The following ARHGEF3 variants were observed in gnomAD, a reference collection of about 807,000 sequenced individuals.
The protein encoded by ARHGEF3 is Rho guanine nucleotide exchange factor 3.
A neutral mutation model predicts 63.2 loss-of-function variants in ARHGEF3; 28 were observed. The observed-to-expected ratio is 0.44, with a 90% CI of 0.33 to 0.61. The LOEUF is 0.61. Among genes scored for constraint, ARHGEF3 ranks in the 20% least tolerant of loss-of-function variants. ARHGEF3 has a pLI of 0.03. For missense variants in ARHGEF3, 533 were observed against 659.3 expected (o/e 0.81, Z 2.10); for synonymous variants, 266 against 254.2 (o/e 1.05, Z -0.44).
At chr3:57,079,015 G>C (rs1706342099) in intron 1 of ARHGEF3, 2 of 339,042 alleles carry the variant, frequency 5.9e-6, no homozygotes, top group South Asian at 1.5e-4. Flanking sequence ...CCAGACCAGG[G>C]AGCGCTCAGG....
At chr3:57,000,215 T>C (rs1198541414) in intron 2 of ARHGEF3, among the ~76,000 whole-genome samples, 1 of 152,136 alleles carries the variant, frequency 6.6e-6, no homozygotes, top group Non-Finnish European at 1.5e-5. Flanking sequence ...GCCCCACGTA[T>C]CTTCAGAAAT....
At chr3:56,812,744 C>G (rs2038114025) in intron 4 of ARHGEF3, among the ~76,000 whole-genome samples, 1 of 152,178 alleles carries the variant, frequency 6.6e-6, no homozygotes, top group Non-Finnish European at 1.5e-5. Flanking sequence ...AAGTTCAAGG[C>G]TGATGATAAA....
intron 4 of ARHGEF3, among the ~76,000 whole-genome samples, chr3:56,856,144 A>C (rs892021488): frequency 1.3e-5 from 2 of 152,232 alleles, no homozygotes; most frequent in Non-Finnish European, 2.9e-5. Context: ...ATCTGAGTCC[A>C]TAACCAGTCA....
intron 4 of ARHGEF3, among the ~76,000 whole-genome samples, chr3:56,851,100 T>C (rs2039661999): frequency 6.6e-6 from 1 of 152,148 alleles, no homozygotes; most frequent in Admixed American, 6.5e-5. Context: ...GGTTGTGTAC[T>C]AAGGGTGGGT....
intron 3 of ARHGEF3, among the ~76,000 whole-genome samples, chr3:56,934,153 G>C (rs1460137649): frequency 1.3e-5 from 2 of 152,206 alleles, no homozygotes; most frequent in African/African-American, 2.4e-5. Context: ...CTAATACATG[G>C]ATATAGTCCT....
chr3:56,843,434 AT>A (rs34552051), intron 4 of ARHGEF3, among the ~76,000 whole-genome samples: 127,080 of 148,438 alleles, frequency 0.86, 54,383 homozygotes, highest in East Asian at 0.96. Context: ...GACTTTTGTA[AT>A]TTTTTTTTTT....
chr3:56,826,081 C>G (rs1048075984), intron 4 of ARHGEF3, among the ~76,000 whole-genome samples: 11 of 152,150 alleles, frequency 7.2e-5, no homozygotes, highest in Admixed American at 2.0e-4. Flanking sequence ...GTAAGCTTGG[C>G]ACTCATTGTT....
At chr3:56,735,539 C>A (rs1323953643) in intron 8 of ARHGEF3, among the ~76,000 whole-genome samples, 1 of 152,206 alleles carries the variant, frequency 6.6e-6, no homozygotes, top group Admixed American at 6.5e-5. Flanking sequence ...TTAGGCACAT[C>A]TAACCAAAAA....
intron 3 of ARHGEF3, among the ~76,000 whole-genome samples, chr3:56,948,344 GT>G (rs1699623091): frequency 6.6e-6 from 1 of 152,150 alleles, no homozygotes; most frequent in African/African-American, 2.4e-5. Context: ...CCAGGAGCTG[GT>G]TTTTTGAAAA....
rs562630957 is a variant in ARHGEF3, at chr3:56,794,731, TAA to T, written c.96+6970_96+6971del. Among the ~76,000 whole-genome samples the T allele has an allele frequency of 3.1e-4, 47 of 152,336 alleles. No homozygotes were observed. In the East Asian group the frequency reaches 6.5e-3, roughly 21 times the overall value. On this transcript the variant is annotated intron_variant, in intron 1 of 9. Coordinates refer to ENST00000296315, the MANE Select transcript of ARHGEF3 (RefSeq NM_019555.3). The stretch of plus-strand genomic sequence containing the variant: ...ATCCTACACACATCCTCTTACACTT[TAA>T]ATCATTTGTAGATTACTTAGAATAT...
At chr3:56,881,676 T>C (rs973322112) in intron 4 of ARHGEF3, among the ~76,000 whole-genome samples, 1 of 152,188 alleles carries the variant, frequency 6.6e-6, no homozygotes, top group Non-Finnish European at 1.5e-5. Flanking sequence ...AAATATTTGG[T>C]GGGTGCCCAG....
intron 2 of ARHGEF3, among the ~76,000 whole-genome samples, chr3:56,979,319 C>T (rs1701237514): frequency 6.6e-6 from 1 of 152,232 alleles, no homozygotes; most frequent in Admixed American, 6.5e-5. Context: ...TAAACTGAGA[C>T]CCAGATATAT....
At chr3:56,821,962 CG>C (rs2038512824) in intron 4 of ARHGEF3, among the ~76,000 whole-genome samples, 3 of 118,774 alleles carry the variant, frequency 2.5e-5, no homozygotes, top group South Asian at 3.2e-4. Context: ...GACTCTGTCT[CG>C]AGAAGAGAAG....
intron 4 of ARHGEF3, among the ~76,000 whole-genome samples, chr3:56,809,238 G>A (rs1295077405): frequency 1.3e-5 from 2 of 152,112 alleles, no homozygotes; most frequent in Non-Finnish European, 2.9e-5. Context: ...GGAGTGAGGG[G>A]ACAGAAAACT....
At chr3:56,897,409 T>C (rs565262454) in intron 3 of ARHGEF3, among the ~76,000 whole-genome samples, 4 of 152,302 alleles carry the variant, frequency 2.6e-5, no homozygotes, top group Admixed American at 6.5e-5. Flanking sequence ...TGGAGGAGTA[T>C]TTAGAAGCCA....
chr3:56,966,924 C>T (rs545547575), intron 2 of ARHGEF3, among the ~76,000 whole-genome samples: 21 of 150,426 alleles, frequency 1.4e-4, no homozygotes, highest in Admixed American at 9.3e-4. Flanking sequence ...AGTGCAATAG[C>T]GCAATCTCTG....
intron 3 of ARHGEF3, among the ~76,000 whole-genome samples, chr3:56,902,998 A>G (rs754834581): frequency 1.3e-5 from 2 of 152,108 alleles, no homozygotes; most frequent in Non-Finnish European, 2.9e-5. Context: ...ACAGTGTCCC[A>G]GTTTTTTCCT....
chr3:57,010,450 C>T (rs569897829), intron 2 of ARHGEF3, among the ~76,000 whole-genome samples: 57 of 126,578 alleles, frequency 4.5e-4, no homozygotes, highest in Non-Finnish European at 6.1e-4. Context: ...AACGAGACTC[C>T]ATCTCAAAAA....
intron 1 of ARHGEF3, among the ~76,000 whole-genome samples, chr3:57,040,507 C>CAAAGAAAAGAAAAGAAAAGAAAAGAAAAG (rs1553812351): frequency 4.0e-5 from 5 of 123,948 alleles, no homozygotes; most frequent in Non-Finnish European, 7.4e-5. Flanking sequence ...AAGAAAATAC[C>CAAAGAAAAGAAAAGAAAAGAAAAGAAAAG]AAAACAGGTA....
Sources: gnomAD v4.1 joint callset for allele counts (sites outside exome capture counted in the v4.1 genomes callset) on GRCh38, gnomAD v4.1.1 for gene constraint, MANE v1.5 for transcripts, NCBI Gene and HGNC (gene_info 2026-07-23, HGNC 2026-07-21) for gene names.